Variants in TRAPPC9 observed in about 807,000 individuals in gnomAD.
TRAPPC9 encodes IKK2 binding protein.
In TRAPPC9, 83 loss-of-function variants were observed where a neutral mutation model predicts 124.0. The ratio of observed to expected loss-of-function variants is 0.67; its 90% confidence interval spans 0.56 to 0.80. The LOEUF is 0.80. Among genes scored for constraint, TRAPPC9 ranks in the 30% least tolerant of loss-of-function variants. The pLI is 0.00. For missense variants in TRAPPC9, 1,302 were observed against 1,508.3 expected (o/e 0.86, Z 2.27); for synonymous variants, 638 against 617.5 (o/e 1.03, Z -0.49).
chr8:140,439,113 C>A lies in TRAPPC9; in HGVS notation c.669G>T (p.Leu223=). The A allele has an allele frequency of 1.2e-6, 2 of 1,614,204 alleles. No individual in the cohort carries two copies. Among genetic ancestry groups the A allele is most frequent in the Non-Finnish European group, 1.7e-6 (2 of 1,180,036 alleles). ...CLQAGMLQDS[L]VHYHMSVELL... ...GCTCCACCGACATGTGGTAATGCAC[C>A]AGGGAGTCCTGCAGCATCCCTGCCT... The change falls in exon 3 of 23, where the codon CTG becomes CTT. Residue 223 remains leucine, a synonymous_variant. Coordinates refer to ENST00000438773, the MANE Select transcript of TRAPPC9 (RefSeq NM_001160372.4).
chr8:140,347,973 T>A (rs1332832204), intron 9 of TRAPPC9, among the ~76,000 whole-genome samples: 1 of 152,224 alleles, frequency 6.6e-6, no homozygotes, highest in East Asian at 1.9e-4. Flanking sequence ...ACATATATCA[T>A]CACCCCACCA....
intron 17 of TRAPPC9, among the ~76,000 whole-genome samples, chr8:140,026,424 G>A (rs1174723851): frequency 1.3e-5 from 2 of 152,206 alleles, no homozygotes; most frequent in African/African-American, 2.4e-5. Context: ...GTTTCGCACA[G>A]TGGCTGTGCC....
At chr8:139,804,742 C>A (rs1305576623) in intron 21 of TRAPPC9, among the ~76,000 whole-genome samples, 1 of 149,792 alleles carries the variant, frequency 6.7e-6, no homozygotes, top group Admixed American at 6.6e-5. Context: ...ACCACCACCA[C>A]CACCAAGCAC....
intron 16 of TRAPPC9, among the ~76,000 whole-genome samples, chr8:140,229,416 C>A (rs1349077119): frequency 2.0e-5 from 3 of 151,520 alleles, no homozygotes; most frequent in African/African-American, 7.3e-5. Flanking sequence ...CACCTGCCAC[C>A]AAGCCTGGCT....
intron 21 of TRAPPC9, among the ~76,000 whole-genome samples, chr8:139,866,293 T>G (rs1828532579): frequency 6.6e-6 from 1 of 152,196 alleles, no homozygotes; most frequent in Admixed American, 6.5e-5. Context: ...TGAACCTGTC[T>G]CTCAGGTTCA....
intron 17 of TRAPPC9, among the ~76,000 whole-genome samples, chr8:140,061,660 G>C (rs1405833240): frequency 6.6e-6 from 1 of 152,182 alleles, no homozygotes; most frequent in Non-Finnish European, 1.5e-5. Flanking sequence ...ACAGGCGAAT[G>C]AAGTGGAAGC....
At chr8:140,115,795 G>A (rs2060872147) in intron 17 of TRAPPC9, among the ~76,000 whole-genome samples, 1 of 152,012 alleles carries the variant, frequency 6.6e-6, no homozygotes, top group South Asian at 2.1e-4. Context: ...CACACTTACG[G>A]GCTACGGGTC....
chr8:140,439,387 T>C (rs1009413391), intron 2 of TRAPPC9, among the ~76,000 whole-genome samples, 190 bp from the exon 3 acceptor site: 1 of 152,228 alleles, frequency 6.6e-6, no homozygotes, highest in Non-Finnish European at 1.5e-5. Context: ...AAAAATGTAC[T>C]GCCAAGCAAT....
intron 17 of TRAPPC9, among the ~76,000 whole-genome samples, chr8:140,175,896 T>C (rs886706204): frequency 2.0e-5 from 3 of 152,256 alleles, no homozygotes; most frequent in Admixed American, 6.5e-5. Flanking sequence ...ATTGAAGCCA[T>C]CCTACTGAAC....
At chr8:140,035,763 C>T (rs1256766337) in intron 17 of TRAPPC9, among the ~76,000 whole-genome samples, 2 of 152,216 alleles carry the variant, frequency 1.3e-5, no homozygotes, top group East Asian at 1.9e-4. Flanking sequence ...GGCACTGTGA[C>T]TTCACCGGGA....
chr8:140,297,838 T>C (rs1480174030), intron 11 of TRAPPC9, among the ~76,000 whole-genome samples: 3 of 152,364 alleles, frequency 2.0e-5, no homozygotes, highest in African/African-American at 4.8e-5. Flanking sequence ...GTTTGTGTCT[T>C]GCCTGCATGA....
chr8:139,981,618 C>T (rs1836902437), intron 19 of TRAPPC9, among the ~76,000 whole-genome samples: 2 of 152,262 alleles, frequency 1.3e-5, no homozygotes, highest in Admixed American at 6.5e-5. Context: ...CAAAAAGAGA[C>T]AGGCGAGAGG....
At chr8:139,760,015 A>T (rs1044921105) in intron 21 of TRAPPC9, among the ~76,000 whole-genome samples, 9 of 152,224 alleles carry the variant, frequency 5.9e-5, no homozygotes, top group Non-Finnish European at 1.3e-4. Flanking sequence ...CACGCCCGTC[A>T]TGTCTGACCC....
At chr8:140,415,171 T>C (rs1296779913) in intron 5 of TRAPPC9, among the ~76,000 whole-genome samples, 1 of 152,082 alleles carries the variant, frequency 6.6e-6, no homozygotes, top group African/African-American at 2.4e-5. Flanking sequence ...TAATCGCCAC[T>C]GCACTCCAGC....
chr8:139,944,248 G>A (rs868747420), intron 19 of TRAPPC9, among the ~76,000 whole-genome samples: 9 of 152,304 alleles, frequency 5.9e-5, no homozygotes, highest in South Asian at 2.1e-4. Context: ...TACAGGAAAC[G>A]AGTACCAGAT....
At chr8:140,392,657 G>A (rs1000494875) in intron 7 of TRAPPC9, among the ~76,000 whole-genome samples, 16 of 152,198 alleles carry the variant, frequency 1.1e-4, no homozygotes, top group Non-Finnish European at 1.9e-4. Context: ...GTGAGGGCAG[G>A]AAAGAGAGAA....
At chr8:140,126,750 C>T (rs2061105733) in intron 17 of TRAPPC9, among the ~76,000 whole-genome samples, 1 of 152,234 alleles carries the variant, frequency 6.6e-6, no homozygotes, top group Non-Finnish European at 1.5e-5. Flanking sequence ...CTCCAGGCCC[C>T]ACAAAGGCAG....
intron 17 of TRAPPC9, among the ~76,000 whole-genome samples, chr8:140,160,104 TCA>T (rs1344203823): frequency 6.6e-6 from 1 of 152,198 alleles, no homozygotes; most frequent in Non-Finnish European, 1.5e-5. Context: ...AGATACCATC[TCA>T]CGCCAGTTAG....
chr8:140,159,665 A>G (rs1261132810), intron 17 of TRAPPC9, among the ~76,000 whole-genome samples: 18 of 152,206 alleles, frequency 1.2e-4, no homozygotes, highest in Non-Finnish European at 2.9e-5. Context: ...AAAATCGAGC[A>G]TTACATGTAA....
Sources: gnomAD v4.1 joint callset for allele counts (sites outside exome capture counted in the v4.1 genomes callset) on GRCh38, gnomAD v4.1.1 for gene constraint, MANE v1.5 for transcripts, NCBI Gene and HGNC (gene_info 2026-07-23, HGNC 2026-07-21) for gene names.